Variants in TMEM94 observed in about 807,000 individuals in gnomAD.
TMEM94 encodes transmembrane protein 94.
In TMEM94, 81 loss-of-function variants were observed where a neutral mutation model predicts 158.6. That is an observed-to-expected ratio of 0.51 (90% CI 0.43 to 0.61). TMEM94 has a LOEUF of 0.61. Ranked by LOEUF, TMEM94 falls within the 20% of genes least tolerant of loss-of-function variation. TMEM94 has a pLI of 0.00. For synonymous variants in TMEM94, 751 were observed against 730.7 expected (o/e 1.03, Z -0.45); for missense variants, 1,435 against 1,762.0 (o/e 0.81, Z 3.32).
intron 16 of TMEM94, 70 bp downstream of exon 16, chr17:75,493,172 C>A: frequency 6.7e-7 from 1 of 1,493,090 alleles, no homozygotes; most frequent in Non-Finnish European, 9.1e-7. Flanking sequence ...CTCTGCCCAG[C>A]CCCACCCATT....
Position 75,491,237 on chromosome 17 carries a change from G to C in TMEM94, c.1234-66G>C. 2 of 1,597,280 alleles carry C rather than the reference G, an allele frequency of 1.3e-6. No individual in the cohort carries two copies. The highest frequency in any genetic ancestry group is 1.7e-6 in the Non-Finnish European group (2 of 1,167,576). On this transcript the variant is annotated intron_variant, in intron 12 of 31. Coordinates refer to ENST00000314256, the MANE Select transcript of TMEM94 (RefSeq NM_014738.6). The surrounding 1 kb of genome is among the most constrained non-coding windows in gnomAD (Gnocchi z 5.1). ...GGCCTGGGCTGCCCACCTGCCGCTT[G>C]AGTGGCCCCTGGGCAGGATAGGCTA...
chr17:75,488,201 TC>T (rs200287818), intron 6 of TMEM94, 67 bp downstream of exon 6: 36,647 of 1,486,028 alleles, frequency 0.025, 618 homozygotes, highest in Middle Eastern at 0.074. Flanking sequence ...GATGGGAGGG[TC>T]CCCAGACTTC....
intron 1 of TMEM94, among the ~76,000 whole-genome samples, chr17:75,466,650 C>T (rs981753091): frequency 6.6e-6 from 1 of 151,996 alleles, no homozygotes; most frequent in Admixed American, 6.6e-5. Context: ...AACCCCGTCT[C>T]TACTAAAAAT....
chr17:75,489,835 C>T lies in TMEM94; in HGVS notation c.954+173C>T, dbSNP rs1413572704. 3 of 637,104 alleles carry T rather than the reference C, an allele frequency of 4.7e-6. No homozygotes were observed. Among genetic ancestry groups the T allele is most frequent in the Admixed American group, 5.3e-5 (2 of 37,742 alleles). 39.5% of individuals were successfully genotyped at this position (637,104 alleles called of 1,614,324 possible). ...GGGACTCAGGCCTGTAATCCAAGCA[C>T]TTTGGGAGGCCACGGCAGGCAGATC... On this transcript the variant is annotated intron_variant, in intron 9 of 31. Coordinates refer to ENST00000314256, the MANE Select transcript of TMEM94 (RefSeq NM_014738.6). This position sits in a 1 kb window ranked among gnomAD's most constrained non-coding sequence, Gnocchi z 5.0.
Position 75,495,051 on chromosome 17 carries a change from G to T in TMEM94, c.2728+17G>T. 1 of 1,610,852 alleles carries T rather than the reference G, an allele frequency of 6.2e-7. No individual in the cohort carries two copies. Among genetic ancestry groups the T allele is most frequent in the South Asian group, 1.1e-5 (1 of 90,896 alleles). On this transcript the variant is annotated intron_variant, in intron 20 of 31. Coordinates refer to ENST00000314256, the MANE Select transcript of TMEM94 (RefSeq NM_014738.6). This position sits in a 1 kb window ranked among gnomAD's most constrained non-coding sequence, Gnocchi z 5.6. ...TGAATCAGGGTAAGGGCAAAGGCGT[G>T]GGGTGGGGACGGGGTGGCGGTGGGA...
At chr17:75,464,860 G>A (rs1482957440) in intron 1 of TMEM94, among the ~76,000 whole-genome samples, 1 of 151,338 alleles carries the variant, frequency 6.6e-6, no homozygotes, top group African/African-American at 2.4e-5. Flanking sequence ...AGGTGCAGTC[G>A]GCTGATTTTT....
chr17:75,462,730 C>T (rs1435254328), intron 1 of TMEM94, among the ~76,000 whole-genome samples: 3 of 149,150 alleles, frequency 2.0e-5, no homozygotes, highest in Admixed American at 6.8e-5. Flanking sequence ...TGGCTCATAT[C>T]TGTAATTCCG....
chr17:75,492,089 C>G lies in TMEM94; in HGVS notation c.1596+189C>G. On this transcript the variant is annotated intron_variant, in intron 14 of 31. Transcript: ENST00000314256. The surrounding 1 kb of genome is among the most constrained non-coding windows in gnomAD (Gnocchi z 4.4). ...GCTGCGAAGTAGGTGGAGCCTCCCCCTACCCTTCCATTCTTGTAATCGCAA... is the reference window on the plus strand; with the variant it reads ...GCTGCGAAGTAGGTGGAGCCTCCCCGTACCCTTCCATTCTTGTAATCGCAA... 1 of 774,736 alleles carries G rather than the reference C, an allele frequency of 1.3e-6. No individual in the cohort carries two copies. The highest frequency in any genetic ancestry group is 1.8e-5 in the African/African-American group (1 of 57,020). The allele number at this position is 774,736 out of a possible 1,614,324, so 48.0% of individuals were successfully genotyped here. A position where few individuals can be genotyped will look rare whatever the true frequency, so the allele number is the denominator to read the frequency against.
chr17:75,459,551 C>T (rs1330819683), intron 1 of TMEM94, among the ~76,000 whole-genome samples: 1 of 152,142 alleles, frequency 6.6e-6, no homozygotes, highest in African/African-American at 2.4e-5. Flanking sequence ...CCTGTTCCTG[C>T]CTGCTGCTCT....
chr17:75,475,460 C>T (rs2146293945), intron 2 of TMEM94, among the ~76,000 whole-genome samples: 1 of 152,328 alleles, frequency 6.6e-6, no homozygotes, highest in South Asian at 2.1e-4. Flanking sequence ...TAGGCTGTTT[C>T]CTCTCCCCTG....
Position 75,492,875 on chromosome 17 carries a change from C to A in TMEM94, c.1913-54C>A. 1 of 1,587,660 alleles carries A rather than the reference C, an allele frequency of 6.3e-7. No individual in the cohort carries two copies. Among genetic ancestry groups the A allele is most frequent in the South Asian group, 1.1e-5 (1 of 87,678 alleles). Reference sequence around the variant, plus strand: ...CCAACTCCTCACGGGACTTAATGGACCTGGCAGGGTATTGCCAGGGCATGG... The same window carrying A: ...CCAACTCCTCACGGGACTTAATGGAACTGGCAGGGTATTGCCAGGGCATGG... On this transcript the variant is annotated intron_variant, in intron 15 of 31. Coordinates refer to ENST00000314256, the MANE Select transcript of TMEM94 (RefSeq NM_014738.6). The surrounding 1 kb of genome is among the most constrained non-coding windows in gnomAD (Gnocchi z 4.4).
chr17:75,467,524 T>TC (rs1203531209), intron 1 of TMEM94, among the ~76,000 whole-genome samples: 19 of 136,582 alleles, frequency 1.4e-4, no homozygotes, highest in South Asian at 7.4e-4. Context: ...CTTTTTCTTT[T>TC]TTTTTTTTTT....
At chr17:75,459,721 G>T (rs1567900896) in intron 1 of TMEM94, 1 of 152,184 alleles carries the variant, frequency 6.6e-6, no homozygotes, top group East Asian at 1.9e-4. Context: ...AAGCCTTTAA[G>T]TCCATTCCTG....
chr17:75,457,278 C>T (rs1267333386), intron 1 of TMEM94: 10 of 152,200 alleles, frequency 6.6e-5, no homozygotes, highest in Non-Finnish European at 1.2e-4. Flanking sequence ...GCTTTTTTTT[C>T]TTTCCGCCTT....
At chr17:75,469,651 C>T (rs183104803) in intron 1 of TMEM94, among the ~76,000 whole-genome samples, 1 of 150,360 alleles carries the variant, frequency 6.7e-6, no homozygotes, top group East Asian at 2.0e-4. Flanking sequence ...GGCCTTAACC[C>T]TAAATTTTTA....
chr17:75,489,263 C>T lies in TMEM94; in HGVS notation c.765-3C>T. ...TGAGACTGACAGTCACTTCTTTCTG[C>T]AGATGGTGCCTGGACATGGCCCTGT... On this transcript the variant is annotated splice_region_variant and splice_polypyrimidine_tract_variant and intron_variant, in intron 7 of 31. Transcript: ENST00000314256. The surrounding 1 kb of genome is among the most constrained non-coding windows in gnomAD (Gnocchi z 5.0). 6.2e-7 allele frequency: 1 copy of T among 1,613,748 alleles called. No homozygotes were observed. Among genetic ancestry groups the T allele is most frequent in the Non-Finnish European group, 8.5e-7 (1 of 1,179,624 alleles).
Position 75,493,474 on chromosome 17 carries a change from T to C in TMEM94, c.2087-17T>C. The C allele has an allele frequency of 3.1e-6, 5 of 1,612,614 alleles. No individual in the cohort carries two copies. Among genetic ancestry groups the C allele is most frequent in the Non-Finnish European group, 4.2e-6 (5 of 1,178,812 alleles). On this transcript the variant is annotated splice_polypyrimidine_tract_variant and intron_variant, in intron 16 of 31. Coordinates refer to ENST00000314256, the MANE Select transcript of TMEM94 (RefSeq NM_014738.6). ...GGGCTGGTTAGCGACACTCAGGGTTTGAACTCTCTCCCCCAGGCACAGAGC... is the reference window on the plus strand; with the variant it reads ...GGGCTGGTTAGCGACACTCAGGGTTCGAACTCTCTCCCCCAGGCACAGAGC...
In TMEM94 at chr17:75,495,805, G is replaced by T; in HGVS notation, c.2945-161G>T. On this transcript the variant is annotated intron_variant, in intron 22 of 31. Coordinates refer to ENST00000314256, the MANE Select transcript of TMEM94 (RefSeq NM_014738.6). This position sits in a 1 kb window ranked among gnomAD's most constrained non-coding sequence, Gnocchi z 5.6. ...TGGGGAATCTTGTGGGTTGGAGTCA[G>T]AAGTGCCGATGTTCACATGATCCCG... The T allele has an allele frequency of 1.2e-6, 1 of 845,540 alleles. No individual in the cohort carries two copies. 52.4% of individuals were successfully genotyped at this position (845,540 alleles called of 1,614,324 possible).
At chr17:75,484,908 T>G (rs1311273094) in intron 2 of TMEM94, among the ~76,000 whole-genome samples, 1 of 151,746 alleles carries the variant, frequency 6.6e-6, no homozygotes, top group Non-Finnish European at 1.5e-5. Flanking sequence ...CATGGTGGTG[T>G]GTGCCTGTAA....
Sources: gnomAD v4.1 joint callset for allele counts (sites outside exome capture counted in the v4.1 genomes callset) on GRCh38, gnomAD v4.1.1 for gene constraint, Gnocchi (gnomAD v3.1) non-coding constraint, MANE v1.5 for transcripts, NCBI Gene and HGNC (gene_info 2026-07-23, HGNC 2026-07-21) for gene names.